The following DEPDC7 variants were observed in gnomAD, a reference collection of about 807,000 sequenced individuals.
DEPDC7 encodes the protein DEP domain containing 7.
In DEPDC7, 41 loss-of-function variants were observed where a neutral mutation model predicts 56.6. The ratio of observed to expected loss-of-function variants is 0.72; its 90% CI spans 0.56 to 0.94. DEPDC7 has a LOEUF of 0.94. Ranked by LOEUF, DEPDC7 falls within the 40% of genes least tolerant of loss-of-function variation. DEPDC7 has a pLI of 0.00. For synonymous variants in DEPDC7, 185 were observed against 208.8 expected, an observed-to-expected ratio of 0.89 and a Z score of 0.98; for missense variants, 522 against 596.3, an observed-to-expected ratio of 0.88 and a Z score of 1.30.
At chr11:33,033,013 C>T in intron 8 of DEPDC7, 46 bp downstream of exon 8, 1 of 1,446,458 alleles carries the variant, frequency 6.9e-7, no homozygotes, top group Non-Finnish European at 9.5e-7. Flanking sequence ...AGACAAATTT[C>T]AGGTGTTTTT....
rs570373235 is a variant in DEPDC7 at position 33,021,727 on chromosome 11, CAG to C, written c.74-3929_74-3928del. On this transcript the variant is annotated intron_variant, in intron 1 of 8. Transcript: ENST00000241051. ...GTTGGGAATTAATGGTCAGTGAGAA[CAG>C]AGGGGACCTGTGAGGGCTGCATTGT... Among the ~76,000 whole-genome samples the C allele has an allele frequency of 9.1e-4, 139 of 152,170 alleles. 1 individual carries two copies. Among genetic ancestry groups the C allele is most frequent in the South Asian group, 4.6e-3 (22 of 4,826 alleles).
At chr11:33,016,439 C>T (rs772646135) in intron 1 of DEPDC7, 2 of 1,568,238 alleles carry the variant, frequency 1.3e-6, no homozygotes, top group Admixed American at 2.0e-5. Context: ...ACCTTGACGA[C>T]ACAGTATGGC....
rs74559182 is a variant in DEPDC7, at chr11:33,025,822, A to T, written c.237A>T (p.Leu79=). ...SEAVDVIFSH[L]IQNKYFGDVD... The stretch of plus-strand genomic sequence containing the variant: ...CTGTGGATGTCATTTTTTCTCACCT[A>T]ATTCAGAATAAGTATTTTGGTGATG... The change falls in exon 2 of 9, where the codon CTA becomes CTT. Residue 79 remains leucine, a synonymous_variant. Transcript: ENST00000241051. 1,844 of 1,614,160 alleles carry T rather than the reference A, an allele frequency of 1.1e-3. 14 individuals carry two copies. The African/African-American group carries it at 0.022, about 19-fold the overall frequency.
chr11:33,023,530 TTTTG>T (rs1448729217), intron 1 of DEPDC7, among the ~76,000 whole-genome samples: 2 of 151,948 alleles, frequency 1.3e-5, no homozygotes, highest in African/African-American at 2.4e-5. Flanking sequence ...TAAGAGGAGT[TTTTG>T]TTTATTTATT....
At chr11:33,030,464 A>AGATAGATAGATAGATAGATG (rs1327892006) in intron 4 of DEPDC7, among the ~76,000 whole-genome samples, 5 of 152,158 alleles carry the variant, frequency 3.3e-5, no homozygotes, top group African/African-American at 1.2e-4. Context: ...ATAGATAGAT[A>AGATAGATAGATAGATAGATG]GATAGATAGA....
rs1433342178 is a variant in DEPDC7, at chr11:33,028,767, A to G, written c.757A>G (p.Ile253Val). 6.2e-7 allele frequency: 1 copy of G among 1,611,848 alleles called. No homozygotes were observed. The highest frequency in any genetic ancestry group is 8.5e-7 in the Non-Finnish European group (1 of 1,179,514). Residue 253 changes from isoleucine to valine, a missense_variant, in exon 4 of 9, where the codon ATT becomes GTT. Physicochemically the swap from Ile to Val is conservative, Grantham distance 29. Coordinates refer to ENST00000241051, the MANE Select transcript of DEPDC7 (RefSeq NM_001077242.2). Reference sequence around the variant, plus strand: ...CAGCAGTAACTATCTGGATCGAGGGATTCTCAAGGCTTATAGTGACTCTCA... The same window carrying G: ...CAGCAGTAACTATCTGGATCGAGGGGTTCTCAAGGCTTATAGTGACTCTCA... ...VNSSNYLDRG[I>V]LKAYSDSQED...
intron 2 of DEPDC7, among the ~76,000 whole-genome samples, chr11:33,027,013 C>T (rs1284810040): frequency 6.6e-6 from 1 of 152,130 alleles, no homozygotes; most frequent in Non-Finnish European, 1.5e-5. Context: ...AAGTAAGGCA[C>T]AGTCAAAACT....
At chr11:33,018,604 G>T (rs1444876007) in intron 1 of DEPDC7, among the ~76,000 whole-genome samples, 1 of 152,184 alleles carries the variant, frequency 6.6e-6, no homozygotes, top group Non-Finnish European at 1.5e-5. Context: ...GTTGGGGACT[G>T]TGTCCTCTGA....
At chr11:33,029,253 T>C (rs1038399686) in intron 4 of DEPDC7, among the ~76,000 whole-genome samples, 15 of 151,618 alleles carry the variant, frequency 9.9e-5, no homozygotes, top group Non-Finnish European at 1.6e-4. Context: ...ATCCTAGCAC[T>C]TTGGGAGGCT....
At position 33,032,966 on chromosome 11, in the gene DEPDC7, A is replaced by G; in HGVS notation, c.1341A>G (p.Ala447=). Residue 447 remains alanine, a splice_region_variant and synonymous_variant, in exon 8 of 9, where the codon GCA becomes GCG. Coordinates refer to ENST00000241051, the MANE Select transcript of DEPDC7 (RefSeq NM_001077242.2). ...IQNGRDPNRD[A]GYIYCQRIDQ... ...ACGGAAGAGATCCAAATAGAGATGCAGGTAATCTGAGAAATATTATTTTCA... is the reference window on the plus strand; with the variant it reads ...ACGGAAGAGATCCAAATAGAGATGCGGGTAATCTGAGAAATATTATTTTCA... The G allele has an allele frequency of 6.4e-7, 1 of 1,563,780 alleles. No homozygotes were observed. The highest frequency in any genetic ancestry group is 8.7e-7 in the Non-Finnish European group (1 of 1,151,470).
At chr11:33,030,271 T>G (rs149036901) in intron 4 of DEPDC7, among the ~76,000 whole-genome samples, 53 of 152,260 alleles carry the variant, frequency 3.5e-4, no homozygotes, top group African/African-American at 1.2e-3. Flanking sequence ...TAATTAGTAA[T>G]TTTTATATAC....
At chr11:33,033,187 G>A (rs2133669994) in intron 8 of DEPDC7, 75 bp from the exon 9 acceptor site, 1 of 1,196,218 alleles carries the variant, frequency 8.4e-7, no homozygotes, top group East Asian at 2.4e-5. Flanking sequence ...ATAAAGACAA[G>A]AATATTGCTT....
chr11:33,032,755 G>A lies in DEPDC7; in HGVS notation c.1225G>A (p.Val409Ile), dbSNP rs770506815. 62 of 1,605,710 alleles carry A rather than the reference G, an allele frequency of 3.9e-5. 1 individual carries two copies. In the Admixed American group the frequency reaches 1.1e-3, roughly 28 times the overall value. The change falls in exon 7 of 9, where the codon GTA (valine) becomes ATA (isoleucine). Residue 409 changes from valine (V) to isoleucine (I), a missense_variant. By Grantham distance (29) the Val-to-Ile change is conservative. Coordinates refer to ENST00000241051, the MANE Select transcript of DEPDC7 (RefSeq NM_001077242.2). Reference sequence around the variant, plus strand: ...ATCCAAAGGCAAAACAGATCTTCTGGTACTCTTTTTAATGGATCATCAGAA... The same window carrying A: ...ATCCAAAGGCAAAACAGATCTTCTGATACTCTTTTTAATGGATCATCAGAA... ...NLSKGKTDLLVLFLMDHQKDV... is the reference protein window; with the variant it reads ...NLSKGKTDLLILFLMDHQKDV...
intron 1 of DEPDC7, among the ~76,000 whole-genome samples, chr11:33,024,938 C>G (rs1218569114): frequency 6.6e-6 from 1 of 152,050 alleles, no homozygotes; most frequent in Non-Finnish European, 1.5e-5. Context: ...ACCTCTGTGA[C>G]TCTGTTTTCC....
Position 33,031,420 on chromosome 11 carries a change from C to A in DEPDC7, c.825C>A (p.Tyr275Ter). Residue 275 changes from tyrosine to a stop codon, truncating the protein, a stop_gained, in exon 5 of 9, where the codon TAC becomes TAA. Coordinates refer to ENST00000241051, the MANE Select transcript of DEPDC7 (RefSeq NM_001077242.2). LOFTEE classifies it high-confidence loss of function. ...CGGCAGCAATTGACTGTTTAGAATA[C>A]CTTCCAGACCAAATGGTGGTGGAAA... ...WLSAAIDCLE[Y>*]LPDQMVVEIS... 6.2e-7 allele frequency: 1 copy of A among 1,614,178 alleles called. No individual in the cohort carries two copies. Among genetic ancestry groups the A allele is most frequent in the South Asian group, 1.1e-5 (1 of 91,078 alleles).
At chr11:33,019,017 C>G (rs72901281) in intron 1 of DEPDC7, among the ~76,000 whole-genome samples, 21 of 152,140 alleles carry the variant, frequency 1.4e-4, no homozygotes, top group African/African-American at 5.1e-4. Context: ...TGCCCAAGAT[C>G]GTGTTATTAG....
At chr11:33,016,120 C>A in intron 1 of DEPDC7, 92 bp downstream of exon 1, 1 of 1,245,494 alleles carries the variant, frequency 8.0e-7, no homozygotes, top group Non-Finnish European at 1.0e-6. Context: ...GTGGGGCGTT[C>A]GGCCGCCTGC....
chr11:33,028,418 T>C (rs2133665161), intron 3 of DEPDC7, 185 bp from the exon 4 acceptor site: 1 of 473,068 alleles, frequency 2.1e-6, no homozygotes, highest in Non-Finnish European at 3.7e-6. Flanking sequence ...CCAAAGCCTA[T>C]TCTCCTACAC....
intron 8 of DEPDC7, 113 bp downstream of exon 8, chr11:33,033,080 C>G (rs1311007338): frequency 2.0e-6 from 2 of 997,156 alleles, no homozygotes; most frequent in Non-Finnish European, 2.9e-6. Context: ...TTAAAACATT[C>G]TCCTCAGAGT....
Sources: allele counts gnomAD v4.1 joint callset (sites outside exome capture counted in the v4.1 genomes callset), GRCh38; gene constraint gnomAD v4.1.1; transcripts MANE v1.5; gene names NCBI Gene and HGNC (gene_info 2026-07-23, HGNC 2026-07-21).